The following TMEM232 variants were observed in gnomAD, a reference collection of about 807,000 sequenced individuals.
TMEM232 encodes the protein transmembrane protein 232.
Under a neutral mutation model 78.8 loss-of-function variants are expected in TMEM232, and 80 were observed. The observed-to-expected ratio is 1.01, with a 90% confidence interval of 0.85 to 1.22. The LOEUF (loss-of-function observed/expected upper bound fraction) is 1.22, where lower values mean the gene tolerates loss of function less well. Among genes scored for constraint, TMEM232 ranks in the 50% most tolerant of loss-of-function variants. The pLI is 0.00. For missense variants in TMEM232, 881 were observed against 742.2 expected (o/e 1.19, Z -2.17); for synonymous variants, 297 against 254.3 (o/e 1.17, Z -1.60).
At chr5:110,538,246 T>C (rs78851080) in intron 11 of TMEM232, among the ~76,000 whole-genome samples, 3,810 of 152,232 alleles carry the variant, frequency 0.025, 160 homozygotes, top group African/African-American at 0.087. Context: ...GGCAAAATAT[T>C]AATGGCACAG....
At chr5:110,392,376 A>G (rs1468867096) in intron 3 of TMEM232, among the ~76,000 whole-genome samples, 1 of 152,232 alleles carries the variant, frequency 6.6e-6, no homozygotes, top group Non-Finnish European at 1.5e-5. Flanking sequence ...ATTTGGTAGA[A>G]GGAAAAAAAT....
chr5:110,467,960 T>TGACA (rs981536274), intron 12 of TMEM232, among the ~76,000 whole-genome samples: 1 of 150,974 alleles, frequency 6.6e-6, no homozygotes, highest in Non-Finnish European at 1.5e-5. Context: ...TACCTTTACA[T>TGACA]GACATTCTTC....
chr5:110,559,922 C>T (rs531002483), intron 11 of TMEM232, among the ~76,000 whole-genome samples: 50 of 152,206 alleles, frequency 3.3e-4, no homozygotes, highest in African/African-American at 1.1e-3. Flanking sequence ...CAGTCTTTAC[C>T]TCTGTCTCCA....
intron 10 of TMEM232, among the ~76,000 whole-genome samples, chr5:110,588,140 C>A (rs374006297): frequency 6.6e-6 from 1 of 151,996 alleles, no homozygotes; most frequent in Non-Finnish European, 1.5e-5. Flanking sequence ...GAAATTATTG[C>A]TCTGTGCTAA....
intron 12 of TMEM232, among the ~76,000 whole-genome samples, chr5:110,511,431 T>TTAAAG (rs1238375474): frequency 6.6e-6 from 1 of 151,562 alleles, no homozygotes; most frequent in Non-Finnish European, 1.5e-5. Flanking sequence ...ACCCCAGAAC[T>TTAAAG]TAAAGTATAA....
At chr5:110,688,879 A>C (rs1013617678) in intron 1 of TMEM232, among the ~76,000 whole-genome samples, 1 of 152,114 alleles carries the variant, frequency 6.6e-6, no homozygotes, top group African/African-American at 2.4e-5. Flanking sequence ...CTAAAACTTC[A>C]CCATGGCAAT....
intron 1 of TMEM232, among the ~76,000 whole-genome samples, chr5:110,718,010 A>G (rs1307354473): frequency 6.6e-6 from 1 of 152,094 alleles, no homozygotes; most frequent in Non-Finnish European, 1.5e-5. Context: ...AGTATATTGA[A>G]TATTTTTCTT....
At chr5:110,557,980 T>G (rs182708311) in intron 11 of TMEM232, among the ~76,000 whole-genome samples, 42 of 152,302 alleles carry the variant, frequency 2.8e-4, no homozygotes, top group Non-Finnish European at 2.6e-4. Flanking sequence ...CTTTTATATT[T>G]TGATTTCCTT....
chr5:110,515,961 C>T (rs919781259), intron 12 of TMEM232, among the ~76,000 whole-genome samples: 2 of 152,138 alleles, frequency 1.3e-5, no homozygotes, highest in South Asian at 4.1e-4. Flanking sequence ...AATTTGAGGC[C>T]GGGCACGGTG....
chr5:110,578,461 G>T (rs1377681332), intron 10 of TMEM232, among the ~76,000 whole-genome samples: 1 of 151,928 alleles, frequency 6.6e-6, no homozygotes. Flanking sequence ...ATAACAAGTT[G>T]CCTTAAGTAA....
At chr5:110,430,061 C>G (rs982073033) in intron 12 of TMEM232, 1 of 151,368 alleles carries the variant, frequency 6.6e-6, no homozygotes, top group Non-Finnish European at 1.5e-5. Context: ...AAACCTCAAT[C>G]TGGAATATGT....
At chr5:110,540,562 C>T (rs1295784953) in intron 11 of TMEM232, among the ~76,000 whole-genome samples, 1 of 152,142 alleles carries the variant, frequency 6.6e-6, no homozygotes, top group Admixed American at 6.6e-5. Flanking sequence ...GTTAGCCAGC[C>T]TAATTTAAAA....
intron 2 of TMEM232, among the ~76,000 whole-genome samples, chr5:110,732,209 T>C (rs1798734616): frequency 6.6e-6 from 1 of 152,240 alleles, no homozygotes; most frequent in Admixed American, 6.5e-5. Context: ...ATCAGCATTT[T>C]GTCAAAGCCA....
At chr5:110,517,644 G>C (rs2149490063) in intron 12 of TMEM232, among the ~76,000 whole-genome samples, 1 of 152,272 alleles carries the variant, frequency 6.6e-6, no homozygotes. Context: ...TGGGAATGCT[G>C]CTCCATGAAA....
intron 5 of TMEM232, among the ~76,000 whole-genome samples, chr5:110,630,478 G>A (rs530958570): frequency 1.0e-3 from 155 of 152,300 alleles, no homozygotes; most frequent in African/African-American, 3.4e-3. Flanking sequence ...CCAGTGAGAG[G>A]TGACTGGATC....
chr5:110,524,089 G>T (rs191796559), intron 12 of TMEM232, among the ~76,000 whole-genome samples: 1 of 150,444 alleles, frequency 6.6e-6, no homozygotes, highest in Admixed American at 6.6e-5. Flanking sequence ...ATGGTGAAAC[G>T]CCGTCTCTAC....
At chr5:110,438,747 C>T (rs191298984) in intron 12 of TMEM232, among the ~76,000 whole-genome samples, 4 of 152,166 alleles carry the variant, frequency 2.6e-5, no homozygotes, top group East Asian at 1.9e-4. Flanking sequence ...AGTTCAAAAA[C>T]GACAGTTTAT....
chr5:110,414,443 CTCTA>C lies in TMEM232; in HGVS notation n.308+10376_308+10379del, dbSNP rs773572208. ...TTAGAACATATATCTCTAATTCTAT[CTCTA>C]TCTATATGGTGAAATATCAGTTCAT... On this transcript the variant is annotated intron_variant and non_coding_transcript_variant, in intron 2 of 8. Coordinates refer to the TMEM232 transcript ENST00000507188. Among the ~76,000 whole-genome samples, 215 of 151,846 alleles carry C rather than the reference CTCTA, an allele frequency of 1.4e-3. 4 individuals are homozygous for C. The highest frequency in any genetic ancestry group is 4.5e-3 in the African/African-American group (185 of 41,514).
At chr5:110,493,397 T>G in intron 12 of TMEM232, among the ~76,000 whole-genome samples, 1 of 137,900 alleles carries the variant, frequency 7.3e-6, no homozygotes, top group East Asian at 2.1e-4. Flanking sequence ...AAAAAAAAAG[T>G]AAAATTGTCT....
Sources: gnomAD v4.1 joint callset for allele counts (sites outside exome capture counted in the v4.1 genomes callset) on GRCh38, gnomAD v4.1.1 for gene constraint, MANE v1.5 for transcripts, NCBI Gene and HGNC (gene_info 2026-07-23, HGNC 2026-07-21) for gene names.